The following DEDD2 variants were observed in gnomAD, a reference collection of about 807,000 sequenced individuals.
DEDD2 encodes death effector domain containing 2.
A neutral mutation model predicts 28.9 loss-of-function variants in DEDD2; 18 were observed. The ratio of observed to expected loss-of-function variants is 0.62; its 90% CI spans 0.43 to 0.92. The LOEUF (loss-of-function observed/expected upper bound fraction) is 0.92, where lower values mean the gene tolerates loss of function less well. Ranked by LOEUF, DEDD2 falls within the 40% of genes least tolerant of loss-of-function variation. The probability of loss-of-function intolerance (pLI) is 0.00; values close to 1 mark genes in which losing one functional copy is unlikely to be tolerated. For synonymous variants in DEDD2, 211 were observed against 206.1 expected, an observed-to-expected ratio of 1.02 and a Z score of -0.20; for missense variants, 411 against 463.3, an observed-to-expected ratio of 0.89 and a Z score of 1.04.
intron 3 of DEDD2, chr19:42,212,140 C>A (rs1217600985): frequency 1.3e-5 from 2 of 152,004 alleles, no homozygotes; most frequent in African/African-American, 4.8e-5. Flanking sequence ...CCAAGGCAAG[C>A]AGGTCACCTG....
At chr19:42,203,261 G>A (rs1283753931) in intron 4 of DEDD2, among the ~76,000 whole-genome samples, 1 of 152,180 alleles carries the variant, frequency 6.6e-6, no homozygotes, top group Non-Finnish European at 1.5e-5. Context: ...AGCCAGCAGA[G>A]AAAATTAGAC....
chr19:42,212,521 G>C (rs2035812508), intron 3 of DEDD2, among the ~76,000 whole-genome samples: 1 of 150,394 alleles, frequency 6.6e-6, no homozygotes, highest in Admixed American at 6.6e-5. Flanking sequence ...CTGGAGTGCA[G>C]TGGCATGATC....
upstream of DEDD2, among the ~76,000 whole-genome samples, chr19:42,218,573 C>T (rs145619817): frequency 2.0e-4 from 30 of 152,214 alleles, no homozygotes; most frequent in Non-Finnish European, 3.8e-4. Flanking sequence ...ACGGTCGCCA[C>T]GCCCCCCACT....
intron 4 of DEDD2, among the ~76,000 whole-genome samples, chr19:42,207,267 G>A (rs1177068826): frequency 6.6e-6 from 1 of 152,200 alleles, no homozygotes; most frequent in African/African-American, 2.4e-5. Context: ...TACAAAGCAG[G>A]CATGATGCCC....
intron 4 of DEDD2, among the ~76,000 whole-genome samples, chr19:42,208,536 T>A (rs1457665805): frequency 6.6e-6 from 1 of 152,204 alleles, no homozygotes; most frequent in African/African-American, 2.4e-5. Context: ...GAGTTAGAGT[T>A]CCCTGAAGAG....
Position 42,216,934 on chromosome 19 carries a change from G to A in DEDD2, c.74C>T (p.Ser25Leu). Residue 25 changes from serine to leucine, a missense_variant, in exon 2 of 5, where the codon TCG becomes TTG. Physicochemically the swap from Ser to Leu is moderately radical, Grantham distance 145. This residue lies in a region of DEDD2 where 282 missense variants were observed against 273.4 expected (regional missense o/e 1.03). Coordinates refer to ENST00000596251, the MANE Select transcript of DEDD2 (RefSeq NM_133328.4). ...CACCACCTCGAACATACGGTGAAGC[G>A]ACAGCATCCCGTAGTAGTCCAGGCA... The part of the protein sequence containing the change: ...DECLDYYGML[S>L]LHRMFEVVGG... The A allele has an allele frequency of 6.2e-7, 1 of 1,602,092 alleles. No homozygotes were observed. The highest frequency in any genetic ancestry group is 8.5e-7 in the Non-Finnish European group (1 of 1,174,822).
intron 4 of DEDD2, among the ~76,000 whole-genome samples, chr19:42,207,865 A>T (rs2035594981): frequency 6.6e-6 from 1 of 150,376 alleles, no homozygotes; most frequent in African/African-American, 2.5e-5. Flanking sequence ...CTCCAGACAG[A>T]CTCAGCCCTG....
At position 42,216,737 on chromosome 19, in the gene DEDD2, G is replaced by T; in HGVS notation, c.271C>A (p.Arg91Ser). Residue 91 changes from arginine to serine, a missense_variant, in exon 2 of 5, where the codon CGC becomes AGC. Around this residue, in one of 2 missense-constraint regions of DEDD2, gnomAD observed 282 missense variants for 273.4 expected, o/e 1.03. Transcript: ENST00000596251. ...SNLRLLGQLLRVLARHDLLPH... is the reference protein window; with the variant it reads ...SNLRLLGQLLSVLARHDLLPH... ...AGCAGGTCGTGGCGGGCCAGCACGC[G>T]CAGGAGTTGCCCCAGCAGCCGCAGG... is the stretch of plus-strand genomic sequence containing the variant. 2 of 1,591,530 alleles carry T rather than the reference G, an allele frequency of 1.3e-6. No individual in the cohort carries two copies. Among genetic ancestry groups the T allele is most frequent in the Non-Finnish European group, 1.7e-6 (2 of 1,171,594 alleles).
At chr19:42,219,742 T>C (rs1201650699), upstream of DEDD2, among the ~76,000 whole-genome samples, 1 of 152,218 alleles carries the variant, frequency 6.6e-6, no homozygotes, top group Non-Finnish European at 1.5e-5. Flanking sequence ...GGTAAGTGAC[T>C]ATCATTAAAT....
chr19:42,205,958 G>A (rs1054897189), intron 4 of DEDD2, among the ~76,000 whole-genome samples: 11 of 151,978 alleles, frequency 7.2e-5, no homozygotes, highest in Non-Finnish European at 1.2e-4. Flanking sequence ...GCTGGATCAC[G>A]CTTGTAGTTC....
intron 3 of DEDD2, 42 bp from the exon 4 acceptor site, chr19:42,209,882 A>G: frequency 6.7e-7 from 1 of 1,489,184 alleles, no homozygotes; most frequent in Non-Finnish European, 8.9e-7. Context: ...CCAGGATGAC[A>G]GCTAGAGTGC....
chr19:42,209,464 G>C (rs1487265319), intron 4 of DEDD2, among the ~76,000 whole-genome samples: 1 of 152,162 alleles, frequency 6.6e-6, no homozygotes, highest in African/African-American at 2.4e-5. Context: ...ACTAGGGCAG[G>C]GGGTTGTCAG....
intron 4 of DEDD2, among the ~76,000 whole-genome samples, chr19:42,205,816 C>G (rs2035510676): frequency 6.6e-6 from 1 of 151,752 alleles, no homozygotes; most frequent in Non-Finnish European, 1.5e-5. Context: ...CAGGCGGTGG[C>G]TCATGCCTGT....
intron 4 of DEDD2, among the ~76,000 whole-genome samples, chr19:42,200,346 C>T (rs1224124433): frequency 1.3e-5 from 2 of 152,246 alleles, no homozygotes; most frequent in East Asian, 1.9e-4. Context: ...GTTTTGTTCA[C>T]TTGTGTAACT....
At position 42,199,434 on chromosome 19, in the gene DEDD2, T is replaced by C. The variant is rs761265677; in HGVS notation, c.*4A>G. 6.3e-6 allele frequency: 10 copies of C among 1,594,588 alleles called. No homozygotes were observed. The East Asian group carries it at 1.8e-4, about 29-fold the overall frequency. On this transcript the variant is annotated 3_prime_UTR_variant, in exon 5 of 5. Transcript: ENST00000596251. The surrounding 1 kb of genome is among the most constrained non-coding windows in gnomAD (Gnocchi z 7.4). ...GAGGTGGGATCAATCCTGCCAGTCC[T>C]GGATCAGGAGGCCTCTGTCGGGCGC...
At chr19:42,203,031 A>G (rs892422686) in intron 4 of DEDD2, among the ~76,000 whole-genome samples, 2 of 152,208 alleles carry the variant, frequency 1.3e-5, no homozygotes, top group African/African-American at 4.8e-5. Context: ...TTGTCCCCAC[A>G]ACAATCAGGT....
At chr19:42,219,258 T>G (rs1339163679), upstream of DEDD2, among the ~76,000 whole-genome samples, 1 of 131,426 alleles carries the variant, frequency 7.6e-6, no homozygotes. Context: ...GAGCCGAGAT[T>G]GCGCCATTGC....
chr19:42,205,093 A>T (rs2035478005), intron 4 of DEDD2, among the ~76,000 whole-genome samples: 1 of 152,178 alleles, frequency 6.6e-6, no homozygotes, highest in Non-Finnish European at 1.5e-5. Flanking sequence ...TTCAGGAAAT[A>T]CAAAAGACAG....
chr19:42,207,015 G>C (rs1290851632), intron 4 of DEDD2, among the ~76,000 whole-genome samples: 5 of 152,100 alleles, frequency 3.3e-5, no homozygotes, highest in Non-Finnish European at 7.4e-5. Context: ...CTCGCCTCGG[G>C]AAAGAGACCT....
Sources: gnomAD v4.1 joint callset for allele counts (sites outside exome capture counted in the v4.1 genomes callset) on GRCh38, gnomAD v4.1.1 for gene constraint, gnomAD v4.1.1 regional missense constraint, Gnocchi (gnomAD v3.1) non-coding constraint, MANE v1.5 for transcripts, NCBI Gene and HGNC (gene_info 2026-07-23, HGNC 2026-07-21) for gene names.